The following RSF1 variants were observed in gnomAD, a reference collection of about 807,000 sequenced individuals.
The protein encoded by RSF1 is HBV pX-associated protein 8.
RSF1 carries 13 observed loss-of-function variants against 145.2 expected under a neutral mutation model. That is an observed-to-expected ratio of 0.09 (90% CI 0.06 to 0.14). The LOEUF is 0.14. Ranked by LOEUF, RSF1 falls within the 10% of genes least tolerant of loss-of-function variation. The pLI is 1.00. For missense variants in RSF1, 1,517 were observed against 1,718.2 expected, an observed-to-expected ratio of 0.88 and a Z score of 2.07; for synonymous variants, 577 against 592.6, an observed-to-expected ratio of 0.97 and a Z score of 0.38.
chr11:77,865,824 T>C, the RSF1 span, among the ~76,000 whole-genome samples: 1 of 152,354 alleles, frequency 6.6e-6, no homozygotes, highest in South Asian at 2.1e-4. Flanking sequence ...ATCTTACATA[T>C]CTTCTTTTGT....
At chr11:77,729,397 C>G (rs748069428) in intron 4 of RSF1, among the ~76,000 whole-genome samples, 4 of 152,054 alleles carry the variant, frequency 2.6e-5, no homozygotes, top group Non-Finnish European at 5.9e-5. Flanking sequence ...TTATATTTTC[C>G]TATATGTACC....
At chr11:77,870,031 C>T in the RSF1 span, 1 of 376,230 alleles carries the variant, frequency 2.7e-6, no homozygotes, top group Non-Finnish European at 4.8e-6. Flanking sequence ...TCAACTATTT[C>T]TCAGAATCCC....
chr11:77,665,975 A>C lies in RSF1; in HGVS notation c.*942T>G, dbSNP rs1673120191. 1 of 152,226 alleles carries C rather than the reference A, an allele frequency of 6.6e-6. No individual in the cohort carries two copies. The highest frequency in any genetic ancestry group is 1.5e-5 in the Non-Finnish European group (1 of 68,036). The allele number at this position is 152,226 out of a possible 1,614,324, so 9.4% of individuals were successfully genotyped here. On this transcript the variant is annotated 3_prime_UTR_variant, in exon 16 of 16. Transcript: ENST00000308488. Reference sequence around the variant, plus strand: ...TAGCATCTCTTCATGTATGTTATATATAGATGTATTTTTTTCAAAATGATA... The same window carrying C: ...TAGCATCTCTTCATGTATGTTATATCTAGATGTATTTTTTTCAAAATGATA...
intron 1 of RSF1, among the ~76,000 whole-genome samples, chr11:77,771,768 A>G (rs1948287929): frequency 6.6e-6 from 1 of 152,166 alleles, no homozygotes; most frequent in South Asian, 2.1e-4. Context: ...CCATAATTTA[A>G]AAATGTCCAT....
chr11:77,842,867 G>A, the RSF1 span, among the ~76,000 whole-genome samples: 6 of 152,172 alleles, frequency 3.9e-5, no homozygotes, highest in African/African-American at 9.7e-5. Context: ...ACCACTGTTA[G>A]TTCCAGAATA....
chr11:77,844,779 G>A, the RSF1 span, among the ~76,000 whole-genome samples: 110 of 152,188 alleles, frequency 7.2e-4, no homozygotes, highest in African/African-American at 2.4e-3. Context: ...TTTCTTTGTC[G>A]TTATTATTAA....
intron 1 of RSF1, among the ~76,000 whole-genome samples, chr11:77,786,001 AAAG>A (rs1194809416): frequency 0.031 from 1 of 32 alleles, no homozygotes; most frequent in Non-Finnish European, 0.056. Context: ...TGAACTCTAA[AAAG>A]AAACATCTGC....
intron 1 of RSF1, among the ~76,000 whole-genome samples, chr11:77,799,027 G>A (rs1032757434): frequency 1.3e-5 from 2 of 150,812 alleles, no homozygotes; most frequent in Non-Finnish European, 3.0e-5. Context: ...AAACAAATGG[G>A]ACTATATTAA....
Position 77,692,535 on chromosome 11 carries a change from C to T in RSF1, c.2820+972G>A, listed in dbSNP as rs1467896466. ...CTGGGATTACAGGCGTGAGCCACCGCGCCCGGCCACTACTTTTAAATTTTT... is the reference window on the plus strand; with the variant it reads ...CTGGGATTACAGGCGTGAGCCACCGTGCCCGGCCACTACTTTTAAATTTTT... On this transcript the variant is annotated intron_variant, in intron 8 of 15. Transcript: ENST00000308488. 3.9e-5 allele frequency among the ~76,000 whole-genome samples: 4 copies of T among 102,146 alleles called. 1 individual carries two copies. Among genetic ancestry groups the T allele is most frequent in the South Asian group, 2.8e-4 (1 of 3,622 alleles). 67.0% of individuals were successfully genotyped at this position (102,146 alleles called of 152,430 possible). A position where few individuals can be genotyped will look rare whatever the true frequency, so the allele number is the denominator to read the frequency against.
intron 12 of RSF1, among the ~76,000 whole-genome samples, chr11:77,677,800 G>A (rs540402368): frequency 6.6e-6 from 1 of 152,206 alleles, no homozygotes; most frequent in South Asian, 2.1e-4. Context: ...AGTTTCCTCA[G>A]TTTTCTATAT....
At chr11:77,786,347 C>T (rs1044241259) in intron 1 of RSF1, among the ~76,000 whole-genome samples, 4 of 152,038 alleles carry the variant, frequency 2.6e-5, no homozygotes, top group East Asian at 3.9e-4. Flanking sequence ...CTGATCAGCA[C>T]GCGAATAAAA....
At chr11:77,796,566 A>T (rs938667414) in intron 1 of RSF1, among the ~76,000 whole-genome samples, 1 of 152,220 alleles carries the variant, frequency 6.6e-6, no homozygotes, top group Non-Finnish European at 1.5e-5. Context: ...TGAACAGGCA[A>T]AAACTGGAAG....
At chr11:77,720,627 T>A (rs908018479) in intron 5 of RSF1, among the ~76,000 whole-genome samples, 1 of 152,116 alleles carries the variant, frequency 6.6e-6, no homozygotes, top group Admixed American at 6.6e-5. Context: ...CTAATATAAG[T>A]GGGATACAAA....
chr11:77,750,492 A>G (rs1275273222), intron 2 of RSF1, among the ~76,000 whole-genome samples: 1 of 152,216 alleles, frequency 6.6e-6, no homozygotes, highest in Non-Finnish European at 1.5e-5. Flanking sequence ...TTTTCTCCCA[A>G]TCATCTAAAT....
At chr11:77,852,504 T>A in the RSF1 span, among the ~76,000 whole-genome samples, 7 of 152,012 alleles carry the variant, frequency 4.6e-5, no homozygotes, top group African/African-American at 1.4e-4. Context: ...GATATCCACA[T>A]CCATGATCCA....
chr11:77,668,575 G>A (rs915600325), intron 15 of RSF1, among the ~76,000 whole-genome samples: 18 of 152,090 alleles, frequency 1.2e-4, no homozygotes, highest in African/African-American at 4.3e-4. Flanking sequence ...TTAACCAACT[G>A]CAGATGGAAA....
intron 5 of RSF1, among the ~76,000 whole-genome samples, chr11:77,703,770 G>A (rs949629123): frequency 1.3e-5 from 2 of 151,424 alleles, no homozygotes; most frequent in African/African-American, 2.4e-5. Flanking sequence ...TATTTCAAGA[G>A]ATGAGAGTAA....
chr11:77,808,282 A>C (rs1288242081), intron 1 of RSF1, among the ~76,000 whole-genome samples: 1 of 152,002 alleles, frequency 6.6e-6, no homozygotes, highest in Non-Finnish European at 1.5e-5. Context: ...CAGTGAGCCG[A>C]GATCATGCCA....
At chr11:77,812,475 T>A (rs1948740764) in intron 1 of RSF1, among the ~76,000 whole-genome samples, 1 of 152,244 alleles carries the variant, frequency 6.6e-6, no homozygotes, top group South Asian at 2.1e-4. Flanking sequence ...CTTGCTTACA[T>A]GAGCCATATA....
Sources: gnomAD v4.1 joint callset for allele counts (sites outside exome capture counted in the v4.1 genomes callset) on GRCh38, gnomAD v4.1.1 for gene constraint, MANE v1.5 for transcripts, NCBI Gene and HGNC (gene_info 2026-07-23, HGNC 2026-07-21) for gene names.